IPP: variants seen among roughly 807,000 people sequenced by gnomAD.
The protein encoded by IPP is intracisternal A particle-promoted polypeptide.
IPP carries 41 observed loss-of-function variants against 64.1 expected under a neutral mutation model. That is an observed-to-expected ratio of 0.64 (90% CI 0.50 to 0.83). The LOEUF is 0.83. Ranked by LOEUF, IPP falls within the 40% of genes least tolerant of loss-of-function variation. The pLI is 0.00. For synonymous variants in IPP, 214 were observed against 235.2 expected (o/e 0.91, Z 0.83); for missense variants, 649 against 703.0 (o/e 0.92, Z 0.87).
downstream of IPP, among the ~76,000 whole-genome samples, chr1:45,695,149 C>G (rs957069980): frequency 6.6e-6 from 1 of 152,042 alleles, no homozygotes; most frequent in Non-Finnish European, 1.5e-5. Context: ...AAGCTTTTAG[C>G]TTTGGTGTGT....
chr1:45,720,326 ATTTAAAGT>A (rs1282932196), intron 5 of IPP, among the ~76,000 whole-genome samples: 2 of 152,204 alleles, frequency 1.3e-5, no homozygotes, highest in East Asian at 1.9e-4. Context: ...TATAAATTTT[ATTTAAAGT>A]TTTAAATTGT....
chr1:45,727,240 A>G (rs1645841115), intron 5 of IPP, among the ~76,000 whole-genome samples: 1 of 151,950 alleles, frequency 6.6e-6, no homozygotes, highest in African/African-American at 2.4e-5. Flanking sequence ...TGTAGAGATA[A>G]AGTCTCGATA....
chr1:45,723,340 A>G (rs1162950261), intron 5 of IPP, among the ~76,000 whole-genome samples: 1 of 152,204 alleles, frequency 6.6e-6, no homozygotes, highest in Non-Finnish European at 1.5e-5. Context: ...AAAGTTATAT[A>G]TTAAGGAATA....
In IPP at chr1:45,724,677, T is replaced by A. The variant is rs1645785084; in HGVS notation, c.1048+2954A>T. ...GCGCCTCTGCCGGGCCGCAACCCTG[T>A]CTGGGAGGTGAGGAGCGTCTCTGCC... On this transcript the variant is annotated intron_variant, in intron 5 of 8. Transcript: ENST00000396478. 2.0e-5 allele frequency among the ~76,000 whole-genome samples: 3 copies of A among 150,418 alleles called. No individual in the cohort carries two copies. The South Asian group carries it at 6.3e-4, about 32-fold the overall frequency.
In IPP at chr1:45,719,196, T is replaced by C; in HGVS notation, c.1186+7A>G. ...TTAGCTATCTTTAAACTGAACAACA[T>C]AATTACCCAAAGCATAGATAGCCCC... On this transcript the variant is annotated splice_region_variant and intron_variant, in intron 6 of 8. Transcript: ENST00000396478. The C allele has an allele frequency of 6.2e-7, 1 of 1,613,800 alleles. No individual in the cohort carries two copies. The highest frequency in any genetic ancestry group is 8.5e-7 in the Non-Finnish European group (1 of 1,179,838).
chr1:45,717,221 GAAAAAAAAAAAA>G lies in IPP; in HGVS notation c.1187-216_1187-205del, dbSNP rs56338317. Reference sequence around the variant, plus strand: ...CTTTGCATAACTGATGCTCTTTTGAGAAAAAAAAAAAAAAAAAAAAAAAGGAATTCAAGTCTT... The same window carrying G: ...CTTTGCATAACTGATGCTCTTTTGAGAAAAAAAAAAAGGAATTCAAGTCTT... On this transcript the variant is annotated intron_variant, in intron 6 of 8. Transcript: ENST00000396478. 1.8e-4 allele frequency among the ~76,000 whole-genome samples: 17 copies of G among 95,256 alleles called. No individual in the cohort carries two copies. The East Asian group carries it at 6.4e-3, about 36-fold the overall frequency. 62.5% of individuals were successfully genotyped at this position (95,256 alleles called of 152,430 possible).
At chr1:45,715,260 A>G (rs1645642740) in intron 7 of IPP, among the ~76,000 whole-genome samples, 1 of 152,112 alleles carries the variant, frequency 6.6e-6, no homozygotes, top group Non-Finnish European at 1.5e-5. Flanking sequence ...ATTTCCTTAT[A>G]AACTCTGGCA....
At position 45,714,330 on chromosome 1, in the gene IPP, T is replaced by A; in HGVS notation, c.1446A>T (p.Ala482=). 1 of 1,614,140 alleles carries A rather than the reference T, an allele frequency of 6.2e-7. No homozygotes were observed. The highest frequency in any genetic ancestry group is 1.1e-5 in the South Asian group (1 of 91,088). The change falls in exon 8 of 9, where the codon GCA becomes GCT. Residue 482 remains alanine, a synonymous_variant. Transcript: ENST00000396478. ...GTRRAYLGVA[A]LNDCIYSVGG... ...CAACAGAATAGATGCAGTCATTGAG[T>A]GCAGCCACACCAAGATATGCTCTCC...
intron 8 of IPP, among the ~76,000 whole-genome samples, chr1:45,705,243 G>A (rs558675784): frequency 1.3e-5 from 2 of 152,338 alleles, no homozygotes; most frequent in South Asian, 2.1e-4. Flanking sequence ...CTCTAAGTGT[G>A]TACATCTTGG....
rs547616866 is a variant in IPP, at chr1:45,699,291, T to C, written c.*675A>G. ...GAAAACTCTTGGCATTAAATAAAAG[T>C]AGGAATCTATTTCATTGGCTTTCTC... is the stretch of plus-strand genomic sequence containing the variant. On this transcript the variant is annotated 3_prime_UTR_variant, in exon 9 of 9. Coordinates refer to ENST00000396478, the MANE Select transcript of IPP (RefSeq NM_005897.3). 2.5e-4 allele frequency: 242 copies of C among 985,364 alleles called. No homozygotes were observed. Among genetic ancestry groups the C allele is most frequent in the Non-Finnish European group, 2.9e-4 (238 of 829,902 alleles). 61.0% of individuals were successfully genotyped at this position (985,364 alleles called of 1,614,324 possible).
Position 45,741,037 on chromosome 1 carries a change from A to C in IPP, c.588T>G (p.Asp196Glu), listed in dbSNP as rs1646056878. The change falls in exon 3 of 9, where the codon GAT becomes GAG. Residue 196 changes from aspartate to glutamate, a missense_variant. Transcript: ENST00000396478. ...ILRSEELSIE[D>E]EYQVFLAAMQ... is the part of the protein sequence containing the mutation. ...TTGCAGCTAAGAAGACCTGGTATTC[A>C]TCCTCAATGCTAAGCTCTTCACTTC... 1.2e-6 allele frequency: 2 copies of C among 1,613,980 alleles called. No individual in the cohort carries two copies. Among genetic ancestry groups the C allele is most frequent in the Non-Finnish European group, 1.7e-6 (2 of 1,179,972 alleles).
At chr1:45,707,328 C>T (rs1234922658) in intron 8 of IPP, among the ~76,000 whole-genome samples, 1 of 145,442 alleles carries the variant, frequency 6.9e-6, no homozygotes, top group African/African-American at 2.5e-5. Context: ...GAGGTTGAGG[C>T]AGGAGAATGG....
rs779471219 is a variant in IPP, at chr1:45,700,111, A to G, written c.1610T>C (p.Val537Ala). The change falls in exon 9 of 9, where the codon GTT becomes GCT. Residue 537 changes from valine (V) to alanine (A), a missense_variant. Val to Ala is a moderately conservative substitution (Grantham distance 64, BLOSUM62 0). Transcript: ENST00000396478. ...CVVAVNGLLY[V>A]SGGRSSSHDF... ...ATGGCTGGAAGATCGACCTCCAGAA[A>G]CATACAGAAGACCATTGACTGCCAC... 6.2e-7 allele frequency: 1 copy of G among 1,614,164 alleles called. No individual in the cohort carries two copies. Among genetic ancestry groups the G allele is most frequent in the East Asian group, 2.2e-5 (1 of 44,880 alleles).
chr1:45,739,493 G>A (rs777572393), intron 3 of IPP, among the ~76,000 whole-genome samples: 9 of 139,296 alleles, frequency 6.5e-5, no homozygotes, highest in African/African-American at 1.3e-4. Flanking sequence ...GTGCTAAAGC[G>A]ATCTGCCTGC....
intron 2 of IPP, among the ~76,000 whole-genome samples, chr1:45,745,227 T>C (rs1646119098): frequency 6.6e-6 from 1 of 152,180 alleles, no homozygotes; most frequent in Admixed American, 6.5e-5. Flanking sequence ...TTAAAACTCT[T>C]CAAAAACATT....
chr1:45,724,877 G>A (rs1489311132), intron 5 of IPP, among the ~76,000 whole-genome samples: 2 of 150,108 alleles, frequency 1.3e-5, no homozygotes, highest in African/African-American at 2.4e-5. Context: ...CACCCCGTCG[G>A]GGAGGGAGGT....
chr1:45,715,619 C>T (rs564572602), intron 7 of IPP, among the ~76,000 whole-genome samples: 33 of 148,682 alleles, frequency 2.2e-4, no homozygotes, highest in African/African-American at 8.2e-4. Flanking sequence ...CCAGCCTGGG[C>T]GACAGAGCGA....
At chr1:45,732,232 G>A (rs1449603202) in intron 3 of IPP, among the ~76,000 whole-genome samples, 5 of 151,476 alleles carry the variant, frequency 3.3e-5, no homozygotes, top group African/African-American at 7.3e-5. Context: ...GTTGTGGTGG[G>A]CACATGTAAT....
intron 5 of IPP, among the ~76,000 whole-genome samples, chr1:45,726,722 C>A (rs1645832677): frequency 7.1e-6 from 1 of 141,010 alleles, no homozygotes. Flanking sequence ...ATTTTGATGC[C>A]ACTTTTTTTT....
Sources: allele counts gnomAD v4.1 joint callset (sites outside exome capture counted in the v4.1 genomes callset), GRCh38; gene constraint gnomAD v4.1.1; transcripts MANE v1.5; gene names NCBI Gene and HGNC (gene_info 2026-07-23, HGNC 2026-07-21).